The following C11orf65 variants were observed in gnomAD, a reference collection of about 807,000 sequenced individuals.
The protein encoded by C11orf65 is protein MFI.
C11orf65 carries 38 observed loss-of-function variants against 35.3 expected under a neutral mutation model. The ratio of observed to expected loss-of-function variants is 1.08; its 90% confidence interval spans 0.83 to 1.41. The LOEUF (loss-of-function observed/expected upper bound fraction) is 1.41. Among genes scored for constraint, C11orf65 ranks in the 40% most tolerant of loss-of-function variants. The pLI, the probability that C11orf65 is intolerant of heterozygous loss-of-function variation, is 0.00. For missense variants in C11orf65, 370 were observed against 367.1 expected (o/e 1.01, Z -0.06); for synonymous variants, 105 against 114.4 (o/e 0.92, Z 0.53).
At chr11:108,401,956 C>T (rs2092447713) in intron 6 of C11orf65, among the ~76,000 whole-genome samples, 2 of 152,166 alleles carry the variant, frequency 1.3e-5, no homozygotes, top group South Asian at 4.1e-4. Flanking sequence ...TCAGTAAGTT[C>T]GGCCCAGCCA....
At position 108,359,254 on chromosome 11, in the gene C11orf65, A is replaced by C. The variant is rs1244279; in HGVS notation, c.227-23962T>G. Among the ~76,000 whole-genome samples, 78 of 151,724 alleles carry C rather than the reference A, an allele frequency of 5.1e-4. 1 individual carries two copies. Among genetic ancestry groups the C allele is most frequent in the African/African-American group, 1.6e-3 (66 of 41,380 alleles). On this transcript the variant is annotated intron_variant, in intron 2 of 3. Transcript: ENST00000524755. ...TCAACAAGAAGAGCTAACTATCCTA[A>C]ATATATATGCACCCAATACAGGAGC... is the stretch of plus-strand genomic sequence containing the variant.
At chr11:108,347,669 C>T (rs1467756749) in intron 2 of C11orf65, among the ~76,000 whole-genome samples, 1 of 151,990 alleles carries the variant, frequency 6.6e-6, no homozygotes, top group African/African-American at 2.4e-5. Context: ...TCCACCAAAA[C>T]AAGGAGTAAT....
intron 6 of C11orf65, among the ~76,000 whole-genome samples, chr11:108,311,703 C>CAA (rs1215790496): frequency 2.6e-5 from 3 of 114,286 alleles, no homozygotes; most frequent in East Asian, 2.5e-4. Flanking sequence ...ATCTCATAAA[C>CAA]AAAAAAAAAA....
At chr11:108,338,186 TA>T (rs1217987498) in intron 2 of C11orf65, among the ~76,000 whole-genome samples, 1 of 148,044 alleles carries the variant, frequency 6.8e-6, no homozygotes, top group African/African-American at 2.5e-5. Flanking sequence ...CCATCTCTAC[TA>T]AAAATACAAA....
At chr11:108,419,924 G>T (rs916738509) in intron 3 of C11orf65, among the ~76,000 whole-genome samples, 3 of 152,050 alleles carry the variant, frequency 2.0e-5, no homozygotes, top group Non-Finnish European at 4.4e-5. Context: ...GCAAGAAAAA[G>T]AAATAAAATG....
intron 3 of C11orf65, among the ~76,000 whole-genome samples, chr11:108,426,751 A>G (rs966889224): frequency 6.6e-6 from 1 of 152,220 alleles, no homozygotes; most frequent in African/African-American, 2.4e-5. Flanking sequence ...TTCAAACTAT[A>G]CTACAAGGCC....
At chr11:108,401,870 T>G (rs770861950) in intron 6 of C11orf65, among the ~76,000 whole-genome samples, 1 of 152,202 alleles carries the variant, frequency 6.6e-6, no homozygotes, top group Admixed American at 6.5e-5. Flanking sequence ...AGGCTTTGAT[T>G]AGCTAACTTA....
At chr11:108,423,499 G>A (rs962594833) in intron 3 of C11orf65, among the ~76,000 whole-genome samples, 1 of 152,112 alleles carries the variant, frequency 6.6e-6, no homozygotes, top group African/African-American at 2.4e-5. Flanking sequence ...AGACTTAAAC[G>A]TTCCTGCCTG....
chr11:108,322,111 G>A (rs1311532260), intron 6 of C11orf65, among the ~76,000 whole-genome samples: 1 of 151,704 alleles, frequency 6.6e-6, no homozygotes, highest in Non-Finnish European at 1.5e-5. Flanking sequence ...CCATTCTATT[G>A]TTTATTGTTG....
At chr11:108,358,022 A>C (rs2090234899) in intron 2 of C11orf65, among the ~76,000 whole-genome samples, 1 of 144,748 alleles carries the variant, frequency 6.9e-6, no homozygotes, top group Non-Finnish European at 1.5e-5. Context: ...ATTCAAACCA[A>C]AGGCAAATAA....
chr11:108,386,721 T>C lies in C11orf65; in HGVS notation c.732-746A>G, dbSNP rs143115174. ...AACTGCACCCACTTTAATCAAAAAA[T>C]CAGGTCAGGATTTGGTTACAGTAGG... On this transcript the variant is annotated intron_variant, in intron 7 of 8. Transcript: ENST00000393084. Among the ~76,000 whole-genome samples, 130 of 152,178 alleles carry C rather than the reference T, an allele frequency of 8.5e-4. 1 individual carries two copies. The highest frequency in any genetic ancestry group is 2.9e-3 in the African/African-American group (121 of 41,512).
At chr11:108,321,764 G>A (rs1254575091) in intron 6 of C11orf65, among the ~76,000 whole-genome samples, 1 of 151,404 alleles carries the variant, frequency 6.6e-6, no homozygotes, top group Admixed American at 6.6e-5. Flanking sequence ...TCCAGCCTGG[G>A]CAACAGAGCG....
intron 2 of C11orf65, among the ~76,000 whole-genome samples, chr11:108,339,841 C>A (rs184164083): frequency 6.6e-6 from 1 of 152,206 alleles, no homozygotes; most frequent in Admixed American, 6.5e-5. Context: ...GATCAAGCAT[C>A]AGGGGTCACA....
intron 2 of C11orf65, among the ~76,000 whole-genome samples, chr11:108,432,187 T>C (rs1285377044): frequency 1.3e-5 from 2 of 152,228 alleles, no homozygotes; most frequent in Non-Finnish European, 2.9e-5. Context: ...GGGATACTCT[T>C]GTCTGGGTTC....
At chr11:108,370,094 T>C in intron 2 of C11orf65, among the ~76,000 whole-genome samples, 1 of 152,160 alleles carries the variant, frequency 6.6e-6, no homozygotes. Flanking sequence ...AGGTAGGGAT[T>C]TTCCCTTGTT....
chr11:108,453,494 G>T (rs545941173), intron 2 of C11orf65, among the ~76,000 whole-genome samples: 1 of 152,190 alleles, frequency 6.6e-6, no homozygotes, highest in Admixed American at 6.5e-5. Context: ...ACTGTATTTT[G>T]TTTACAAGAG....
intron 2 of C11orf65, among the ~76,000 whole-genome samples, chr11:108,438,658 G>C (rs761157579): frequency 9.9e-5 from 15 of 151,982 alleles, no homozygotes; most frequent in Non-Finnish European, 1.8e-4. Flanking sequence ...ATGATTTCTT[G>C]GATATAACAC....
At chr11:108,330,552 T>C (rs1950379784), downstream of C11orf65, 1 of 916,504 alleles carries the variant, frequency 1.1e-6, no homozygotes, top group Non-Finnish European at 1.8e-6. Flanking sequence ...ATAAGTAGCA[T>C]TTTGTAGTTT....
downstream of C11orf65, among the ~76,000 whole-genome samples, chr11:108,381,621 T>C (rs1038691953): frequency 2.6e-5 from 4 of 151,982 alleles, no homozygotes; most frequent in African/African-American, 9.7e-5. Context: ...TTTCTCTAAT[T>C]TCTAATTCTC....
Sources: gnomAD v4.1 joint callset for allele counts (sites outside exome capture counted in the v4.1 genomes callset) on GRCh38, gnomAD v4.1.1 for gene constraint, MANE v1.5 for transcripts, NCBI Gene and HGNC (gene_info 2026-07-23, HGNC 2026-07-21) for gene names.